The following SNX29 variants were observed in gnomAD, a reference collection of about 807,000 sequenced individuals.
SNX29 encodes sorting nexin 29.
Under a neutral mutation model 102.1 loss-of-function variants are expected in SNX29, and 78 were observed. The ratio of observed to expected loss-of-function variants is 0.76; its 90% confidence interval spans 0.64 to 0.92. The LOEUF is 0.92. Among genes scored for constraint, SNX29 ranks in the 40% least tolerant of loss-of-function variants. SNX29 has a pLI of 0.00. For synonymous variants in SNX29, 580 were observed against 414.5 expected (o/e 1.40, Z -4.85); for missense variants, 1,280 against 1,061.7 (o/e 1.21, Z -2.86).
At chr16:12,495,270 TC>T (rs1389868387) in intron 19 of SNX29, among the ~76,000 whole-genome samples, 3 of 152,174 alleles carry the variant, frequency 2.0e-5, no homozygotes, top group African/African-American at 7.2e-5. Flanking sequence ...TCCTGCCTCA[TC>T]CTCCCAAGTA....
chr16:12,537,201 T>C (rs1434743961), intron 20 of SNX29, among the ~76,000 whole-genome samples: 3 of 152,164 alleles, frequency 2.0e-5, no homozygotes, highest in Non-Finnish European at 4.4e-5. Flanking sequence ...GCCCCTAAAT[T>C]GCTGAGCTTA....
chr16:12,545,721 G>C (rs143732443), intron 20 of SNX29: 1,799 of 152,388 alleles, frequency 0.012, 13 homozygotes, highest in Non-Finnish European at 0.016. Context: ...CCAGAGACGA[G>C]GTCACCATGA....
rs960544129 is a variant in SNX29 at position 11,996,658 on chromosome 16, G to A, written c.8-2639G>A. 3.3e-5 allele frequency among the ~76,000 whole-genome samples: 5 copies of A among 152,150 alleles called. No individual in the cohort carries two copies. In the South Asian group the frequency reaches 8.3e-4, roughly 25 times the overall value. The stretch of plus-strand genomic sequence containing the variant: ...TTGCTCAAGGGCAGGTAGAGCTGTC[G>A]GGCTCACTCATACTTGGAAAAAGGA... On this transcript the variant is annotated intron_variant, in intron 1 of 20. Transcript: ENST00000566228.
At chr16:11,983,811 C>A in intron 1 of SNX29, 1 of 593,344 alleles carries the variant, frequency 1.7e-6, no homozygotes. Context: ...AGCATATTTC[C>A]AGATAAAGCA....
chr16:12,572,349 T>A lies in SNX29; in HGVS notation c.*3720T>A, dbSNP rs933246425. The stretch of plus-strand genomic sequence containing the variant: ...GAAGCCCACCAGCCTGCCTGGTTGA[T>A]GGACAGCAGGCTCTGCCTTCTGGAG... On this transcript the variant is annotated 3_prime_UTR_variant, in exon 21 of 21. Coordinates refer to ENST00000566228, the MANE Select transcript of SNX29 (RefSeq NM_032167.5). The A allele has an allele frequency of 9.4e-7, 1 of 1,062,960 alleles. No homozygotes were observed. The highest frequency in any genetic ancestry group is 1.1e-6 in the Non-Finnish European group (1 of 877,758). 65.8% of individuals were successfully genotyped at this position (1,062,960 alleles called of 1,614,324 possible).
chr16:12,555,070 G>A (rs116811827), intron 20 of SNX29, among the ~76,000 whole-genome samples: 2,235 of 151,958 alleles, frequency 0.015, 56 homozygotes, highest in African/African-American at 0.051. Flanking sequence ...TGGAGTTGTG[G>A]GGAGGTGGAG....
intron 14 of SNX29, among the ~76,000 whole-genome samples, chr16:12,226,115 T>G (rs535405343): frequency 2.0e-5 from 3 of 152,364 alleles, no homozygotes; most frequent in Admixed American, 6.5e-5. Flanking sequence ...TTTTCGAACT[T>G]ACATCATCTG....
intron 13 of SNX29, among the ~76,000 whole-genome samples, chr16:12,149,619 G>A (rs1364330258): frequency 1.3e-5 from 2 of 152,136 alleles, no homozygotes; most frequent in Admixed American, 6.5e-5. Context: ...CTAGCATTGT[G>A]ACCTTGGGCA....
At chr16:12,293,460 C>T (rs1192138739) in intron 15 of SNX29, among the ~76,000 whole-genome samples, 3 of 152,156 alleles carry the variant, frequency 2.0e-5, no homozygotes, top group Non-Finnish European at 2.9e-5. Context: ...AGCCAGCCTG[C>T]GGTAGAGGTT....
intron 14 of SNX29, among the ~76,000 whole-genome samples, chr16:12,248,436 C>T (rs2078325650): frequency 6.6e-6 from 1 of 151,452 alleles, no homozygotes; most frequent in South Asian, 2.1e-4. Flanking sequence ...CACTCTATCA[C>T]CCAGGCTGGA....
chr16:12,018,778 C>T (rs1434511205), intron 3 of SNX29, among the ~76,000 whole-genome samples: 4 of 141,868 alleles, frequency 2.8e-5, no homozygotes, highest in African/African-American at 7.9e-5. Context: ...GTGGAGAATG[C>T]GGTCTCGCGA....
At position 12,266,876 on chromosome 16, in the gene SNX29, G is replaced by T. The variant is rs137906294; in HGVS notation, c.1679-11057G>T. Reference sequence around the variant, plus strand: ...CCCCCTGGGTTCAAGTGATTCTCCTGCCTCAGCCTCCTGAGTAGCTGGGAT... The same window carrying T: ...CCCCCTGGGTTCAAGTGATTCTCCTTCCTCAGCCTCCTGAGTAGCTGGGAT... On this transcript the variant is annotated intron_variant, in intron 14 of 20. Transcript: ENST00000566228. 3.7e-3 allele frequency among the ~76,000 whole-genome samples: 562 copies of T among 152,148 alleles called. 4 individuals are homozygous for T. The highest frequency in any genetic ancestry group is 0.013 in the African/African-American group (535 of 41,500).
At chr16:12,193,996 G>T (rs2076708793) in intron 13 of SNX29, among the ~76,000 whole-genome samples, 1 of 152,164 alleles carries the variant, frequency 6.6e-6, no homozygotes, top group East Asian at 1.9e-4. Flanking sequence ...CCATATGAAT[G>T]TTACAATCTG....
At chr16:12,074,227 T>A (rs1194950010) in intron 10 of SNX29, among the ~76,000 whole-genome samples, 3 of 152,084 alleles carry the variant, frequency 2.0e-5, no homozygotes, top group Non-Finnish European at 4.4e-5. Context: ...GTTAGCTGGT[T>A]ATTTTGCTTG....
chr16:12,129,677 T>C lies in SNX29; in HGVS notation c.1514T>C (p.Leu505Pro). ...LDGEMEHSAA[L>P]RQEVDTLKRK... ...GGTGAGATGGAGCACTCAGCCGCGC[T>C]CCGGCAAGAGGTGGACACCTTGAAA... The change falls in exon 13 of 21, where the codon CTC becomes CCC. Residue 505 changes from leucine to proline, a missense_variant. Leu to Pro is a moderately conservative substitution (Grantham distance 98). Transcript: ENST00000566228. 6.2e-7 allele frequency: 1 copy of C among 1,611,316 alleles called. No individual in the cohort carries two copies. Among genetic ancestry groups the C allele is most frequent in the Non-Finnish European group, 8.5e-7 (1 of 1,179,638 alleles).
chr16:12,431,521 G>A (rs1437810135), intron 18 of SNX29, among the ~76,000 whole-genome samples: 1 of 148,570 alleles, frequency 6.7e-6, no homozygotes, highest in African/African-American at 2.5e-5. Flanking sequence ...CCTGCTCTGT[G>A]GTCTAATGAA....
At chr16:12,219,058 G>A (rs1033671841) in intron 14 of SNX29, among the ~76,000 whole-genome samples, 6 of 152,174 alleles carry the variant, frequency 3.9e-5, no homozygotes, top group African/African-American at 1.4e-4. Flanking sequence ...ACAGGTGTGA[G>A]CCACCGCGCC....
At chr16:12,419,584 C>T (rs980305112) in intron 18 of SNX29, among the ~76,000 whole-genome samples, 8 of 150,618 alleles carry the variant, frequency 5.3e-5, no homozygotes, top group South Asian at 2.2e-4. Context: ...ATCTTTCTGT[C>T]GATTTGCGTT....
chr16:12,554,827 G>A (rs561565140), intron 20 of SNX29, among the ~76,000 whole-genome samples: 29 of 152,278 alleles, frequency 1.9e-4, no homozygotes, highest in South Asian at 4.1e-4. Context: ...CCTGCTCTGT[G>A]CCATTCTTTC....
Sources: allele counts gnomAD v4.1 joint callset (sites outside exome capture counted in the v4.1 genomes callset), GRCh38; gene constraint gnomAD v4.1.1; transcripts MANE v1.5; gene names NCBI Gene and HGNC (gene_info 2026-07-23, HGNC 2026-07-21).